The following PRKCE variants were observed in gnomAD, a reference collection of about 807,000 sequenced individuals.
The protein encoded by PRKCE is protein kinase C epsilon.
In PRKCE, 16 loss-of-function variants were observed where a neutral mutation model predicts 85.4. The observed-to-expected ratio is 0.19, with a 90% CI of 0.13 to 0.28. The LOEUF is 0.28. Ranked by LOEUF, PRKCE falls within the 10% of genes least tolerant of loss-of-function variation. The pLI is 1.00. For synonymous variants in PRKCE, 388 were observed against 371.5 expected, an observed-to-expected ratio of 1.04 and a Z score of -0.51; for missense variants, 573 against 975.2, an observed-to-expected ratio of 0.59 and a Z score of 5.49.
At chr2:45,962,028 C>T (rs896424878) in intron 2 of PRKCE, among the ~76,000 whole-genome samples, 3 of 152,160 alleles carry the variant, frequency 2.0e-5, no homozygotes, top group African/African-American at 7.2e-5. Context: ...TAGACCTCAA[C>T]CCCAGCCTCG....
Position 45,758,807 on chromosome 2 carries a change from A to G in PRKCE, c.349-84193A>G, listed in dbSNP as rs1043583091. Among the ~76,000 whole-genome samples the G allele has an allele frequency of 2.6e-5, 4 of 152,282 alleles. No homozygotes were observed. In the South Asian group the frequency reaches 6.2e-4, roughly 24 times the overall value. Reference sequence around the variant, plus strand: ...GATGCTCAATAAATTTTTGTTGACTAGAAGATTTATTAGGCTGTGTCTTAG... The same window carrying G: ...GATGCTCAATAAATTTTTGTTGACTGGAAGATTTATTAGGCTGTGTCTTAG... On this transcript the variant is annotated intron_variant, in intron 1 of 14. Coordinates refer to ENST00000306156, the MANE Select transcript of PRKCE (RefSeq NM_005400.3).
intron 1 of PRKCE, among the ~76,000 whole-genome samples, chr2:45,718,172 A>G (rs922545555): frequency 6.6e-6 from 1 of 152,076 alleles, no homozygotes; most frequent in Admixed American, 6.6e-5. Flanking sequence ...GCCTCTGCCC[A>G]CTAAATGTCA....
chr2:45,963,913 G>A (rs2104442219), intron 2 of PRKCE, among the ~76,000 whole-genome samples: 1 of 152,364 alleles, frequency 6.6e-6, no homozygotes. Context: ...AAATTGTGCA[G>A]GCACGTACCT....
At chr2:45,716,181 C>T (rs10174925) in intron 1 of PRKCE, among the ~76,000 whole-genome samples, 17,990 of 152,176 alleles carry the variant, frequency 0.12, 1,148 homozygotes, top group East Asian at 0.16. Flanking sequence ...AATGTCAAGG[C>T]TGGTGCCATG....
chr2:46,003,369 A>C (rs1704871057), intron 7 of PRKCE, among the ~76,000 whole-genome samples: 1 of 152,256 alleles, frequency 6.6e-6, no homozygotes, highest in Non-Finnish European at 1.5e-5. Flanking sequence ...ACTGATGTTA[A>C]TGGAGACTCA....
chr2:45,941,965 G>A (rs1699907078), intron 2 of PRKCE, among the ~76,000 whole-genome samples: 1 of 152,230 alleles, frequency 6.6e-6, no homozygotes, highest in African/African-American at 2.4e-5. Context: ...GGCTGCTGCA[G>A]GTAGCTGAAG....
At chr2:45,851,837 T>G (rs1442077886) in intron 2 of PRKCE, 1 of 152,198 alleles carries the variant, frequency 6.6e-6, no homozygotes, top group African/African-American at 2.4e-5. Context: ...ACACCTCTAA[T>G]GTATAAAGGG....
At chr2:45,846,832 A>G (rs758038718) in intron 2 of PRKCE, among the ~76,000 whole-genome samples, 4 of 152,234 alleles carry the variant, frequency 2.6e-5, no homozygotes, top group Non-Finnish European at 4.4e-5. Flanking sequence ...CAGGATTGTC[A>G]TAAGAACAGT....
chr2:46,001,271 ATT>A lies in PRKCE; in HGVS notation c.824-131_824-130del. ...GGAAGACATATATATATATATATAT[ATT>A]TCTGTATTTTCCAAATTATATCTTA... On this transcript the variant is annotated intron_variant, in intron 6 of 14. Transcript: ENST00000306156. This position sits in a 1 kb window ranked among gnomAD's most constrained non-coding sequence, Gnocchi z 4.4. 1 of 570,944 alleles carries A rather than the reference ATT, an allele frequency of 1.8e-6. No homozygotes were observed. The highest frequency in any genetic ancestry group is 2.4e-6 in the Non-Finnish European group (1 of 411,720). 35.4% of individuals were successfully genotyped at this position (570,944 alleles called of 1,614,324 possible).
At chr2:45,892,215 G>A (rs916241425) in intron 2 of PRKCE, among the ~76,000 whole-genome samples, 3 of 152,190 alleles carry the variant, frequency 2.0e-5, no homozygotes, top group Non-Finnish European at 2.9e-5. Flanking sequence ...TCCCCAGAGA[G>A]AGGTGACAGC....
At chr2:46,095,605 G>A (rs1670608220) in intron 11 of PRKCE, among the ~76,000 whole-genome samples, 1 of 152,206 alleles carries the variant, frequency 6.6e-6, no homozygotes, top group South Asian at 2.1e-4. Flanking sequence ...ATAGGAAGAT[G>A]GAAATTCTGC....
chr2:46,054,802 C>T (rs919108977), intron 10 of PRKCE, among the ~76,000 whole-genome samples: 1 of 152,146 alleles, frequency 6.6e-6, no homozygotes, highest in African/African-American at 2.4e-5. Flanking sequence ...CCCCACCCCC[C>T]ATCCTGTGCC....
intron 10 of PRKCE, among the ~76,000 whole-genome samples, chr2:46,037,514 C>T (rs1361433431): frequency 6.6e-6 from 1 of 152,102 alleles, no homozygotes; most frequent in African/African-American, 2.4e-5. Context: ...TTCAAATATC[C>T]CTCAGGCGAA....
intron 1 of PRKCE, among the ~76,000 whole-genome samples, chr2:45,715,956 C>G (rs1169768557): frequency 2.0e-5 from 3 of 152,142 alleles, no homozygotes; most frequent in Non-Finnish European, 4.4e-5. Flanking sequence ...GGATGGAGGC[C>G]TAAAAGTCTC....
intron 13 of PRKCE, among the ~76,000 whole-genome samples, chr2:46,153,723 G>GCTT (rs371568347): frequency 5.9e-5 from 9 of 151,372 alleles, no homozygotes; most frequent in Middle Eastern, 3.4e-3. Context: ...ATGCAGGGCT[G>GCTT]CTTCTTCTTC....
At chr2:45,711,458 G>A (rs981115001) in intron 1 of PRKCE, among the ~76,000 whole-genome samples, 1 of 152,174 alleles carries the variant, frequency 6.6e-6, no homozygotes, top group Non-Finnish European at 1.5e-5. Context: ...CTGTAAAATG[G>A]GGATAATGAA....
At chr2:46,147,373 G>C (rs183130622) in intron 12 of PRKCE, among the ~76,000 whole-genome samples, 2 of 152,248 alleles carry the variant, frequency 1.3e-5, no homozygotes, top group African/African-American at 2.4e-5. Context: ...CAGTTCCTCT[G>C]TAAGTTGATG....
At chr2:46,047,303 C>T (rs931658649) in intron 10 of PRKCE, among the ~76,000 whole-genome samples, 2 of 152,156 alleles carry the variant, frequency 1.3e-5, no homozygotes, top group African/African-American at 2.4e-5. Context: ...CAAGGGAACC[C>T]GAGGAACTTG....
intron 2 of PRKCE, among the ~76,000 whole-genome samples, chr2:45,927,690 T>C (rs933422668): frequency 2.0e-5 from 3 of 152,224 alleles, no homozygotes; most frequent in Admixed American, 6.5e-5. Flanking sequence ...AAGTAAAATC[T>C]CTCGCATAGA....
Sources: allele counts gnomAD v4.1 joint callset (sites outside exome capture counted in the v4.1 genomes callset), GRCh38; gene constraint gnomAD v4.1.1; non-coding constraint Gnocchi (gnomAD v3.1); transcripts MANE v1.5; gene names NCBI Gene and HGNC (gene_info 2026-07-23, HGNC 2026-07-21).